Variants in PTPRD observed in about 807,000 individuals in gnomAD.
PTPRD encodes protein tyrosine phosphatase receptor type D, also known as receptor-type tyrosine-protein phosphatase delta.
Under a neutral mutation model 214.5 loss-of-function variants are expected in PTPRD, and 34 were observed. The observed-to-expected ratio is 0.16, with a 90% confidence interval of 0.12 to 0.21. PTPRD has a LOEUF of 0.21. Among genes scored for constraint, PTPRD ranks in the 10% least tolerant of loss-of-function variants. The pLI is 1.00. For missense variants in PTPRD, 2,545 were observed against 2,398.7 expected, an observed-to-expected ratio of 1.06 and a Z score of -1.27; for synonymous variants, 1,128 against 845.7, an observed-to-expected ratio of 1.33 and a Z score of -5.79.
chr9:8,972,536 G>T (rs1268835108), intron 11 of PTPRD, among the ~76,000 whole-genome samples: 2 of 151,788 alleles, frequency 1.3e-5, no homozygotes, highest in Non-Finnish European at 2.9e-5. Flanking sequence ...AAGGAAAGGA[G>T]ATAGGAAGGG....
intron 9 of PTPRD, among the ~76,000 whole-genome samples, chr9:9,372,470 A>C (rs2059784938): frequency 6.6e-6 from 1 of 151,900 alleles, no homozygotes; most frequent in Admixed American, 6.6e-5. Context: ...TGCTTGGTAG[A>C]TCTTCCTCCA....
chr9:8,991,970 T>C (rs1377090237), intron 11 of PTPRD, among the ~76,000 whole-genome samples: 1 of 152,128 alleles, frequency 6.6e-6, no homozygotes, highest in Non-Finnish European at 1.5e-5. Context: ...AATTGTGGTG[T>C]TCAGAATGAA....
At chr9:10,024,164 T>C (rs1311934782) in intron 4 of PTPRD, among the ~76,000 whole-genome samples, 1 of 152,142 alleles carries the variant, frequency 6.6e-6, no homozygotes, top group Non-Finnish European at 1.5e-5. Context: ...CAGTAATGTA[T>C]AATTTAATTA....
chr9:8,317,854 C>G lies in PTPRD; in HGVS notation c.*20G>C, dbSNP rs369863041. The stretch of plus-strand genomic sequence containing the variant: ...ATATTGAAGGGCCTGTAGTAAAAAT[C>G]CAGAATGGGTCAGGGGTTTCTACGT... On this transcript the variant is annotated 3_prime_UTR_variant, in exon 46 of 46. Transcript: ENST00000381196. 2 of 1,610,852 alleles carry G rather than the reference C, an allele frequency of 1.2e-6. No individual in the cohort carries two copies. The highest frequency in any genetic ancestry group is 1.7e-4 in the Middle Eastern group (1 of 6,026).
chr9:10,196,643 G>C (rs1186099213), intron 3 of PTPRD, among the ~76,000 whole-genome samples: 3 of 152,150 alleles, frequency 2.0e-5, no homozygotes, highest in African/African-American at 7.2e-5. Flanking sequence ...TATGAAAAAA[G>C]TGAGAATAAT....
At chr9:10,429,978 C>T (rs1459696720) in intron 2 of PTPRD, among the ~76,000 whole-genome samples, 1 of 151,918 alleles carries the variant, frequency 6.6e-6, no homozygotes, top group Non-Finnish European at 1.5e-5. Flanking sequence ...CCCTATGCCA[C>T]TGCTCTCACC....
intron 8 of PTPRD, among the ~76,000 whole-genome samples, chr9:9,549,423 G>C (rs1379828367): frequency 6.6e-6 from 1 of 151,966 alleles, no homozygotes; most frequent in African/African-American, 2.4e-5. Context: ...TCATAGAAAA[G>C]TGTTCAACAG....
intron 6 of PTPRD, among the ~76,000 whole-genome samples, chr9:9,765,997 C>CAAA (rs2098704245): frequency 6.6e-6 from 1 of 152,164 alleles, no homozygotes; most frequent in African/African-American, 2.4e-5. Context: ...AGCAATTTTT[C>CAAA]TCTTGTTAAT....
At chr9:9,043,319 C>T (rs1477644842) in intron 10 of PTPRD, among the ~76,000 whole-genome samples, 2 of 152,216 alleles carry the variant, frequency 1.3e-5, no homozygotes, top group African/African-American at 4.8e-5. Context: ...GCTACATCAA[C>T]CCACATTAAA....
intron 11 of PTPRD, among the ~76,000 whole-genome samples, chr9:9,000,573 AC>A (rs2099414078): frequency 6.6e-6 from 1 of 151,814 alleles, no homozygotes; most frequent in Non-Finnish European, 1.5e-5. Flanking sequence ...ATTTATTAAG[AC>A]TCTCTGTGTC....
rs59516611 is a variant in PTPRD at position 9,640,877 on chromosome 9, C to T, written c.-286-66096G>A. On this transcript the variant is annotated intron_variant, in intron 7 of 45. Coordinates refer to ENST00000381196, the MANE Select transcript of PTPRD (RefSeq NM_002839.4). ...AAATAACGGATACTTAAAGCAAGTA[C>T]ATTATATGCCAAGCACTGCAGACAC... Among the ~76,000 whole-genome samples the T allele has an allele frequency of 2.2e-3, 341 of 152,298 alleles. 1 individual carries two copies. Among genetic ancestry groups the T allele is most frequent in the African/African-American group, 7.8e-3 (323 of 41,574 alleles).
At chr9:9,681,929 T>G (rs528137916) in intron 7 of PTPRD, among the ~76,000 whole-genome samples, 2 of 151,940 alleles carry the variant, frequency 1.3e-5, no homozygotes, top group East Asian at 3.9e-4. Flanking sequence ...TAGAAGATGT[T>G]ATATTTATGT....
At chr9:9,525,409 T>A (rs1326729710) in intron 8 of PTPRD, among the ~76,000 whole-genome samples, 2 of 152,282 alleles carry the variant, frequency 1.3e-5, no homozygotes, top group African/African-American at 2.4e-5. Context: ...GATGTTCCTT[T>A]TACATAAAGT....
intron 9 of PTPRD, among the ~76,000 whole-genome samples, chr9:9,256,907 T>C (rs1320197925): frequency 6.6e-6 from 1 of 151,932 alleles, no homozygotes; most frequent in Non-Finnish European, 1.5e-5. Flanking sequence ...GTATTTCCCT[T>C]CCAGGAATCA....
chr9:9,166,805 C>G (rs763197063), intron 10 of PTPRD, among the ~76,000 whole-genome samples: 14 of 151,974 alleles, frequency 9.2e-5, no homozygotes, highest in Non-Finnish European at 1.5e-4. Flanking sequence ...TCTTCAAAAC[C>G]CCTCCTTCCA....
At chr9:9,946,398 G>A (rs950811134) in intron 4 of PTPRD, among the ~76,000 whole-genome samples, 4 of 152,146 alleles carry the variant, frequency 2.6e-5, no homozygotes, top group South Asian at 2.1e-4. Flanking sequence ...TGAGTGGCAT[G>A]TAAGAGGTTA....
intron 10 of PTPRD, among the ~76,000 whole-genome samples, chr9:9,123,558 A>G (rs1394362182): frequency 3.3e-5 from 5 of 152,006 alleles, no homozygotes; most frequent in African/African-American, 4.8e-5. Flanking sequence ...TTTTTTTCCA[A>G]TGGCATCAAG....
intron 4 of PTPRD, among the ~76,000 whole-genome samples, chr9:9,947,596 A>AT (rs1491512192): frequency 0.02 from 966 of 47,828 alleles, 20 homozygotes; most frequent in East Asian, 0.054. Context: ...TTATATATAT[A>AT]ATATATATAT....
chr9:9,193,917 C>T (rs1301084186), intron 9 of PTPRD, among the ~76,000 whole-genome samples: 1 of 152,044 alleles, frequency 6.6e-6, no homozygotes, highest in East Asian at 1.9e-4. Context: ...AACTTTTCTA[C>T]TTTATAAACT....
Sources: allele counts gnomAD v4.1 joint callset (sites outside exome capture counted in the v4.1 genomes callset), GRCh38; gene constraint gnomAD v4.1.1; transcripts MANE v1.5; gene names NCBI Gene and HGNC (gene_info 2026-07-23, HGNC 2026-07-21).